FHIT: variants seen among roughly 807,000 people sequenced by gnomAD.
The protein encoded by FHIT is bis(5'-adenosyl)-triphosphatase.
Under a neutral mutation model 17.9 loss-of-function variants are expected in FHIT, and 19 were observed. The observed-to-expected ratio is 1.06, with a 90% CI of 0.74 to 1.56. The LOEUF is 1.56. Ranked by LOEUF, FHIT falls within the 40% of genes most tolerant of loss-of-function variation. The probability of loss-of-function intolerance (pLI) is 0.00; values close to 1 mark genes in which losing one functional copy is unlikely to be tolerated. For synonymous variants in FHIT, 81 were observed against 69.7 expected, an observed-to-expected ratio of 1.16 and a Z score of -0.81; for missense variants, 248 against 189.2, an observed-to-expected ratio of 1.31 and a Z score of -1.82.
intron 8 of FHIT, among the ~76,000 whole-genome samples, chr3:59,850,180 T>G (rs998153708): frequency 1.1e-4 from 17 of 152,162 alleles, no homozygotes; most frequent in African/African-American, 4.1e-4. Flanking sequence ...TCCACATAAA[T>G]TGCAAAAAGT....
At chr3:61,242,494 A>G (rs2040396439) in intron 1 of FHIT, among the ~76,000 whole-genome samples, 1 of 152,098 alleles carries the variant, frequency 6.6e-6, no homozygotes, top group African/African-American at 2.4e-5. Flanking sequence ...TTATCCCCCT[A>G]CCCCAGAAGC....
intron 2 of FHIT, among the ~76,000 whole-genome samples, chr3:61,074,156 C>T (rs2034897663): frequency 6.6e-6 from 1 of 152,078 alleles, no homozygotes; most frequent in Non-Finnish European, 1.5e-5. Flanking sequence ...CACAAAAAAC[C>T]CCTTAAGCCT....
At chr3:60,075,885 T>A (rs1227723805) in intron 5 of FHIT, among the ~76,000 whole-genome samples, 4 of 152,134 alleles carry the variant, frequency 2.6e-5, no homozygotes, top group Admixed American at 2.6e-4. Context: ...GATGTCCCTT[T>A]TTGATCTTAA....
chr3:60,736,773 G>A (rs928531388), intron 4 of FHIT, among the ~76,000 whole-genome samples: 3 of 151,966 alleles, frequency 2.0e-5, no homozygotes, highest in African/African-American at 4.8e-5. Flanking sequence ...CATTATAAAC[G>A]GATAAACATT....
At chr3:60,215,104 C>G (rs1365872374) in intron 5 of FHIT, among the ~76,000 whole-genome samples, 1 of 152,036 alleles carries the variant, frequency 6.6e-6, no homozygotes, top group South Asian at 2.1e-4. Context: ...CATTCATCCA[C>G]CAAGCTTCAG....
rs771996527 is a variant in FHIT, at chr3:61,236,290, GTAA to G, written c.-213+15008_-213+15010del. Among the ~76,000 whole-genome samples the G allele has an allele frequency of 1.2e-3, 172 of 148,440 alleles. 1 individual carries two copies. The highest frequency in any genetic ancestry group is 2.9e-3 in the African/African-American group (116 of 40,662). ...TATATAATATATATTATGGTAATTA[GTAA>G]TAATAATAATAACACAGCATCATTA... On this transcript the variant is annotated intron_variant, in intron 1 of 9. Transcript: ENST00000492590.
intron 5 of FHIT, among the ~76,000 whole-genome samples, chr3:60,381,081 T>G (rs1359395172): frequency 6.6e-6 from 1 of 152,166 alleles, no homozygotes; most frequent in South Asian, 2.1e-4. Flanking sequence ...GTGCTTCATG[T>G]CACATATAAA....
intron 8 of FHIT, among the ~76,000 whole-genome samples, chr3:59,791,145 G>A (rs1699538937): frequency 6.6e-6 from 1 of 152,102 alleles, no homozygotes; most frequent in Non-Finnish European, 1.5e-5. Context: ...TGTTCCTCAG[G>A]CTTTGGATGG....
intron 8 of FHIT, among the ~76,000 whole-genome samples, chr3:59,788,442 C>G (rs1699404847): frequency 6.6e-6 from 1 of 152,158 alleles, no homozygotes; most frequent in Admixed American, 6.5e-5. Context: ...TTCAGACTGG[C>G]TCCGTGCCAC....
chr3:61,075,591 A>C (rs558726874), intron 2 of FHIT, among the ~76,000 whole-genome samples: 1 of 152,232 alleles, frequency 6.6e-6, no homozygotes, highest in Non-Finnish European at 1.5e-5. Context: ...TGAGATTGAG[A>C]ACCCAGAAAA....
At chr3:61,181,641 C>A (rs1456951030) in intron 2 of FHIT, among the ~76,000 whole-genome samples, 1 of 152,154 alleles carries the variant, frequency 6.6e-6, no homozygotes, top group Non-Finnish European at 1.5e-5. Context: ...TAAAGACAGA[C>A]CCAAAGACCA....
At chr3:60,575,269 G>T (rs1553657178) in intron 4 of FHIT, among the ~76,000 whole-genome samples, 1 of 152,168 alleles carries the variant, frequency 6.6e-6, no homozygotes, top group Non-Finnish European at 1.5e-5. Flanking sequence ...GCTGAGAAAG[G>T]TATGTCGGAA....
chr3:60,700,761 T>C (rs2041227163), intron 4 of FHIT, among the ~76,000 whole-genome samples: 2 of 152,182 alleles, frequency 1.3e-5, no homozygotes, highest in Admixed American at 6.5e-5. Flanking sequence ...TGTCAACTAC[T>C]TGACTGGAAA....
intron 3 of FHIT, among the ~76,000 whole-genome samples, chr3:61,020,118 C>T (rs758047780): frequency 8.5e-5 from 13 of 152,194 alleles, no homozygotes; most frequent in South Asian, 2.1e-4. Flanking sequence ...GCCACACAGT[C>T]TTCCACAATG....
At chr3:60,333,184 C>G (rs147793199) in intron 5 of FHIT, among the ~76,000 whole-genome samples, 26 of 152,332 alleles carry the variant, frequency 1.7e-4, no homozygotes, top group African/African-American at 5.5e-4. Context: ...TTATCCAATG[C>G]TGAACAATGT....
chr3:59,993,285 C>G (rs1402008814), intron 7 of FHIT, among the ~76,000 whole-genome samples: 1 of 152,066 alleles, frequency 6.6e-6, no homozygotes, highest in Non-Finnish European at 1.5e-5. Context: ...AAGAGAGGTA[C>G]TGAGTCTCAC....
chr3:61,225,435 T>C (rs760907156), intron 1 of FHIT, among the ~76,000 whole-genome samples: 10 of 152,236 alleles, frequency 6.6e-5, no homozygotes, highest in Non-Finnish European at 1.3e-4. Context: ...AACTTTAACA[T>C]GCCTTTGCAG....
intron 8 of FHIT, among the ~76,000 whole-genome samples, chr3:59,859,339 G>A (rs1042945742): frequency 1.3e-5 from 2 of 152,094 alleles, no homozygotes; most frequent in African/African-American, 4.8e-5. Flanking sequence ...AAGAAACAGT[G>A]GAAGCTCCAG....
chr3:59,900,875 A>G (rs1368852633), intron 8 of FHIT, among the ~76,000 whole-genome samples: 1 of 152,048 alleles, frequency 6.6e-6, no homozygotes, highest in African/African-American at 2.4e-5. Flanking sequence ...CAGCCTCCCA[A>G]AGTTCTGGGA....
Sources: gnomAD v4.1 joint callset for allele counts (sites outside exome capture counted in the v4.1 genomes callset) on GRCh38, gnomAD v4.1.1 for gene constraint, MANE v1.5 for transcripts, NCBI Gene and HGNC (gene_info 2026-07-23, HGNC 2026-07-21) for gene names.